The following PATJ variants were observed in gnomAD, a reference collection of about 807,000 sequenced individuals.
PATJ encodes the protein PATJ crumbs cell polarity complex component.
PATJ carries 190 observed loss-of-function variants against 224.9 expected under a neutral mutation model. The ratio of observed to expected loss-of-function variants is 0.84; its 90% confidence interval spans 0.75 to 0.95. The LOEUF is 0.95. Among genes scored for constraint, PATJ ranks in the 40% least tolerant of loss-of-function variants. The probability of loss-of-function intolerance (pLI) is 0.00; values close to 1 mark genes in which losing one functional copy is unlikely to be tolerated. For missense variants in PATJ, 2,121 were observed against 2,270.3 expected, an observed-to-expected ratio of 0.93 and a Z score of 1.34; for synonymous variants, 769 against 820.3, an observed-to-expected ratio of 0.94 and a Z score of 1.07.
At chr1:62,124,392 CTT>C (rs1235493112) in intron 39 of PATJ, among the ~76,000 whole-genome samples, 1 of 152,084 alleles carries the variant, frequency 6.6e-6, no homozygotes, top group Non-Finnish European at 1.5e-5. Context: ...CAAAAGTAGA[CTT>C]TTATTTTGCT....
intron 20 of PATJ, among the ~76,000 whole-genome samples, chr1:61,869,273 A>G (rs1557787289): frequency 6.6e-6 from 1 of 150,738 alleles, no homozygotes; most frequent in East Asian, 2.0e-4. Context: ...CGCCCGGCTA[A>G]TTTTTTGTAT....
At position 61,775,240 on chromosome 1, in the gene PATJ, T is replaced by C. The variant is rs746235484; in HGVS notation, c.755T>C (p.Ile252Thr). ...CWGHVEEVEL[I>T]NDGSGLGFGI... Reference sequence around the variant, plus strand: ...GGCCATGTTGAAGAGGTTGAGCTCATTAATGATGGCTCTGGACTAGGTTTT... The same window carrying C: ...GGCCATGTTGAAGAGGTTGAGCTCACTAATGATGGCTCTGGACTAGGTTTT... Residue 252 changes from isoleucine (I) to threonine (T), a missense_variant, in exon 7 of 44, where the codon ATT becomes ACT. Physicochemically the swap from Ile to Thr is moderately conservative, Grantham distance 89 (BLOSUM62 -1). Coordinates refer to ENST00000642238, the MANE Select transcript of PATJ (RefSeq NM_001350145.3). 1 of 1,613,724 alleles carries C rather than the reference T, an allele frequency of 6.2e-7. No individual in the cohort carries two copies. The highest frequency in any genetic ancestry group is 8.5e-7 in the Non-Finnish European group (1 of 1,179,812).
chr1:62,158,529 C>G (rs188799817), intron 43 of PATJ, among the ~76,000 whole-genome samples: 1 of 148,276 alleles, frequency 6.7e-6, no homozygotes, highest in South Asian at 2.3e-4. Flanking sequence ...ACCATCCTGG[C>G]TAACACGGTA....
At chr1:61,791,685 T>C (rs1409289955) in intron 9 of PATJ, among the ~76,000 whole-genome samples, 1 of 152,192 alleles carries the variant, frequency 6.6e-6, no homozygotes, top group Non-Finnish European at 1.5e-5. Context: ...GTGTATAATA[T>C]TTGAATTGTA....
intron 7 of PATJ, among the ~76,000 whole-genome samples, chr1:61,777,535 GA>G (rs1042585629): frequency 2.7e-5 from 4 of 150,820 alleles, no homozygotes; most frequent in African/African-American, 9.8e-5. Flanking sequence ...CCTGTCTCAA[GA>G]AAAAAAATAA....
At chr1:61,934,338 G>A (rs1360989818) in intron 27 of PATJ, among the ~76,000 whole-genome samples, 1 of 152,100 alleles carries the variant, frequency 6.6e-6, no homozygotes, top group Admixed American at 6.6e-5. Flanking sequence ...GGCTGGTCTT[G>A]AACTCCCGAC....
intron 31 of PATJ, among the ~76,000 whole-genome samples, chr1:62,051,430 G>A (rs750104613): frequency 6.6e-5 from 10 of 152,116 alleles, no homozygotes; most frequent in African/African-American, 1.2e-4. Context: ...AGGTTCAAGC[G>A]ATTCTTTTGC....
At chr1:62,160,851 A>G (rs1669775119) in intron 43 of PATJ, 57 bp from the exon 44 acceptor site, 4 of 1,577,778 alleles carry the variant, frequency 2.5e-6, no homozygotes, top group Non-Finnish European at 3.5e-6. Flanking sequence ...TTTTAATATC[A>G]ATTTAATATA....
chr1:62,134,202 G>A (rs6685401), intron 41 of PATJ, among the ~76,000 whole-genome samples: 60,628 of 142,456 alleles, frequency 0.43, 14,280 homozygotes, highest in Non-Finnish European at 0.54. Flanking sequence ...CCGTACTCTC[G>A]TCTTTTTTTT....
intron 20 of PATJ, among the ~76,000 whole-genome samples, chr1:61,868,518 G>A (rs570755933): frequency 1.8e-3 from 273 of 152,306 alleles, no homozygotes; most frequent in Middle Eastern, 3.4e-3. Flanking sequence ...GCCGGGCATG[G>A]TGGCTCATGC....
At chr1:61,849,732 A>G (rs1662520074) in intron 17 of PATJ, among the ~76,000 whole-genome samples, 1 of 152,224 alleles carries the variant, frequency 6.6e-6, no homozygotes, top group Admixed American at 6.5e-5. Context: ...TCTCTTTGCC[A>G]TCCTGCTGTG....
chr1:61,965,350 A>ACT (rs144034680), intron 27 of PATJ, among the ~76,000 whole-genome samples: 3,051 of 152,198 alleles, frequency 0.02, 42 homozygotes, highest in South Asian at 0.062. Context: ...AAAACTCAGT[A>ACT]GAGTTATTTT....
At chr1:62,128,779 C>A in intron 40 of PATJ, 62 bp from the exon 41 acceptor site, 1 of 1,124,232 alleles carries the variant, frequency 8.9e-7, no homozygotes, top group Non-Finnish European at 1.4e-6. Context: ...GAATTTTAAG[C>A]ATTCTTCTCA....
chr1:62,064,269 T>G (rs1005239204), intron 31 of PATJ, among the ~76,000 whole-genome samples: 1 of 152,150 alleles, frequency 6.6e-6, no homozygotes, highest in Non-Finnish European at 1.5e-5. Context: ...ATGGTTTTTG[T>G]TTTTAGTCTT....
chr1:61,897,990 C>T (rs1670615961), intron 22 of PATJ, among the ~76,000 whole-genome samples: 2 of 152,204 alleles, frequency 1.3e-5, no homozygotes, highest in Admixed American at 1.3e-4. Context: ...TTTCAGCCTT[C>T]TCCTTTTCAC....
At chr1:62,147,126 G>A (rs1668116308) in intron 41 of PATJ, among the ~76,000 whole-genome samples, 2 of 152,064 alleles carry the variant, frequency 1.3e-5, no homozygotes, top group Non-Finnish European at 2.9e-5. Flanking sequence ...ACAGATTCAG[G>A]GATTATCATC....
Position 61,860,355 on chromosome 1 carries a change from C to T in PATJ, c.2323-1196C>T, listed in dbSNP as rs373532778. On this transcript the variant is annotated intron_variant, in intron 18 of 43. Coordinates refer to ENST00000642238, the MANE Select transcript of PATJ (RefSeq NM_001350145.3). ...GAACTACAGATGTGAGGCACCACGCCCTGGCTGAAATGACTTTAAAAACTG... is the reference window on the plus strand; with the variant it reads ...GAACTACAGATGTGAGGCACCACGCTCTGGCTGAAATGACTTTAAAAACTG... Among the ~76,000 whole-genome samples the T allele has an allele frequency of 1.7e-4, 26 of 152,260 alleles. No homozygotes were observed. In the East Asian group the frequency reaches 3.9e-3, roughly 23 times the overall value.
intron 21 of PATJ, among the ~76,000 whole-genome samples, chr1:61,879,780 AT>A: frequency 6.6e-6 from 1 of 151,334 alleles, no homozygotes; most frequent in East Asian, 1.9e-4. Flanking sequence ...GGTATTGCAG[AT>A]TTTTATGGGA....
At chr1:62,023,568 A>G (rs1647216138) in intron 29 of PATJ, among the ~76,000 whole-genome samples, 1 of 152,196 alleles carries the variant, frequency 6.6e-6, no homozygotes, top group South Asian at 2.1e-4. Flanking sequence ...AGGGACATAT[A>G]GGAGATGCAT....
Sources: gnomAD v4.1 joint callset for allele counts (sites outside exome capture counted in the v4.1 genomes callset) on GRCh38, gnomAD v4.1.1 for gene constraint, MANE v1.5 for transcripts, NCBI Gene and HGNC (gene_info 2026-07-23, HGNC 2026-07-21) for gene names.